The following CDH13 variants were observed in gnomAD, a reference collection of about 807,000 sequenced individuals.
CDH13 encodes the protein cadherin-13.
Under a neutral mutation model 63.8 loss-of-function variants are expected in CDH13, and 24 were observed. The ratio of observed to expected loss-of-function variants is 0.38; its 90% confidence interval spans 0.27 to 0.53. The LOEUF is 0.53. Among genes scored for constraint, CDH13 ranks in the 20% least tolerant of loss-of-function variants. CDH13 has a pLI of 0.85. For synonymous variants in CDH13, 503 were observed against 355.3 expected (o/e 1.42, Z -4.67); for missense variants, 1,049 against 903.1 (o/e 1.16, Z -2.07).
At chr16:83,294,523 A>C (rs1236162175) in intron 5 of CDH13, among the ~76,000 whole-genome samples, 1 of 152,114 alleles carries the variant, frequency 6.6e-6, no homozygotes, top group African/African-American at 2.4e-5. Context: ...GTTACTTAAC[A>C]TAATGTCCTC....
At chr16:82,809,380 C>T (rs1043052224) in intron 1 of CDH13, among the ~76,000 whole-genome samples, 19 of 151,784 alleles carry the variant, frequency 1.3e-4, no homozygotes, top group African/African-American at 3.6e-4. Flanking sequence ...TGCAGAAAGC[C>T]GGTGAGTTTC....
chr16:82,964,690 C>G (rs571840606), intron 2 of CDH13, among the ~76,000 whole-genome samples: 5 of 152,310 alleles, frequency 3.3e-5, no homozygotes, highest in Non-Finnish European at 7.3e-5. Context: ...TAATAGAGGT[C>G]AGGTGTAGCC....
intron 6 of CDH13, among the ~76,000 whole-genome samples, chr16:83,365,857 C>G (rs544929169): frequency 6.6e-6 from 1 of 152,092 alleles, no homozygotes; most frequent in Non-Finnish European, 1.5e-5. Flanking sequence ...AGAAATAAAT[C>G]CATTCTGCCA....
chr16:83,159,411 TC>T (rs2037351061), intron 4 of CDH13, among the ~76,000 whole-genome samples: 2 of 152,318 alleles, frequency 1.3e-5, no homozygotes, highest in African/African-American at 4.8e-5. Context: ...AAAAATATTT[TC>T]TAAACAATTA....
chr16:83,505,289 G>A (rs563220432), intron 7 of CDH13, among the ~76,000 whole-genome samples: 11 of 152,176 alleles, frequency 7.2e-5, no homozygotes, highest in Non-Finnish European at 1.6e-4. Context: ...TACAACGAAG[G>A]ATAATTCAAT....
At chr16:83,333,399 G>A (rs979426953) in intron 5 of CDH13, among the ~76,000 whole-genome samples, 1 of 152,052 alleles carries the variant, frequency 6.6e-6, no homozygotes, top group Non-Finnish European at 1.5e-5. Context: ...TTACGGAGCG[G>A]GGGTGGTCCT....
chr16:82,872,656 T>A (rs752320184), intron 2 of CDH13, among the ~76,000 whole-genome samples: 4 of 152,170 alleles, frequency 2.6e-5, no homozygotes, highest in Non-Finnish European at 4.4e-5. Context: ...TGATGGAAAT[T>A]TTTTTGGCTT....
At chr16:82,628,663 G>T (rs4783244) in intron 1 of CDH13, among the ~76,000 whole-genome samples, 57,753 of 151,828 alleles carry the variant, frequency 0.38, 11,872 homozygotes, top group Non-Finnish European at 0.46. Context: ...GATTATCTTG[G>T]GGTCCCTACA....
At chr16:82,887,856 G>C (rs1448076852) in intron 2 of CDH13, among the ~76,000 whole-genome samples, 1 of 151,224 alleles carries the variant, frequency 6.6e-6, no homozygotes, top group Non-Finnish European at 1.5e-5. Context: ...TGTCTCAAGG[G>C]TTTTTTTTTC....
chr16:83,694,183 G>C (rs1266934021), intron 10 of CDH13, among the ~76,000 whole-genome samples: 1 of 152,172 alleles, frequency 6.6e-6, no homozygotes, highest in Admixed American at 6.5e-5. Flanking sequence ...GAGGGAAGGA[G>C]GGATTAGGGA....
At chr16:83,523,426 A>G (rs1315430323) in intron 7 of CDH13, among the ~76,000 whole-genome samples, 1 of 152,132 alleles carries the variant, frequency 6.6e-6, no homozygotes, top group Non-Finnish European at 1.5e-5. Context: ...TTTAAGCCCA[A>G]GGCTCTGTCT....
chr16:83,214,348 G>A (rs1198720171), intron 4 of CDH13, among the ~76,000 whole-genome samples: 1 of 151,968 alleles, frequency 6.6e-6, no homozygotes, highest in Non-Finnish European at 1.5e-5. Flanking sequence ...GGGAGGCTGA[G>A]GCGGGTGGAT....
intron 5 of CDH13, among the ~76,000 whole-genome samples, chr16:83,286,893 A>C (rs2089330733): frequency 6.6e-6 from 1 of 151,920 alleles, no homozygotes; most frequent in African/African-American, 2.4e-5. Flanking sequence ...GCCATGTGGA[A>C]AGTGAAGCAA....
intron 3 of CDH13, among the ~76,000 whole-genome samples, chr16:83,043,218 A>G (rs1322852523): frequency 6.6e-6 from 1 of 152,208 alleles, no homozygotes; most frequent in African/African-American, 2.4e-5. Context: ...ATAACAGATT[A>G]CTTTAAGGAT....
At chr16:83,419,082 G>A (rs958130058) in intron 6 of CDH13, among the ~76,000 whole-genome samples, 4 of 152,110 alleles carry the variant, frequency 2.6e-5, no homozygotes, top group South Asian at 2.1e-4. Context: ...GGGAATAGGG[G>A]CCAAAAGGGC....
At chr16:82,884,888 C>A (rs1030835925) in intron 2 of CDH13, among the ~76,000 whole-genome samples, 8 of 152,142 alleles carry the variant, frequency 5.3e-5, no homozygotes, top group African/African-American at 1.7e-4. Context: ...TCTAAAGTTG[C>A]GTCAAATTTT....
intron 3 of CDH13, among the ~76,000 whole-genome samples, chr16:83,061,537 A>C (rs1260244203): frequency 6.6e-6 from 1 of 152,178 alleles, no homozygotes; most frequent in East Asian, 1.9e-4. Flanking sequence ...CAGCTCACCC[A>C]TGGTGTGCTA....
chr16:83,480,282 C>G (rs761781196), intron 6 of CDH13, among the ~76,000 whole-genome samples: 3 of 152,158 alleles, frequency 2.0e-5, no homozygotes, highest in Non-Finnish European at 4.4e-5. Flanking sequence ...TACCACTGCG[C>G]TCCAACCTAG....
intron 1 of CDH13, among the ~76,000 whole-genome samples, chr16:82,679,703 C>T (rs981762050): frequency 1.7e-4 from 26 of 152,128 alleles, no homozygotes; most frequent in Admixed American, 1.5e-3. Context: ...TAAATAGGGA[C>T]GTTAATACCA....
Sources: allele counts gnomAD v4.1 joint callset (sites outside exome capture counted in the v4.1 genomes callset), GRCh38; gene constraint gnomAD v4.1.1; transcripts MANE v1.5; gene names NCBI Gene and HGNC (gene_info 2026-07-23, HGNC 2026-07-21).